The following IGLON5 variants were observed in gnomAD, a reference collection of about 807,000 sequenced individuals.
IGLON5 encodes IgLON family member 5.
In IGLON5, 16 loss-of-function variants were observed where a neutral mutation model predicts 38.2. That is an observed-to-expected ratio of 0.42 (90% CI 0.28 to 0.64). The LOEUF is 0.64. Ranked by LOEUF, IGLON5 falls within the 30% of genes least tolerant of loss-of-function variation. The pLI, the probability that IGLON5 is intolerant of heterozygous loss-of-function variation, is 0.23. For synonymous variants in IGLON5, 207 were observed against 216.4 expected (o/e 0.96, Z 0.38); for missense variants, 366 against 483.4 (o/e 0.76, Z 2.28).
intron 1 of IGLON5, among the ~76,000 whole-genome samples, chr19:51,313,647 T>TTTCTTTCTTTCTTTCTTTCTTTC (rs1984831615): frequency 8.6e-6 from 1 of 116,160 alleles, no homozygotes; most frequent in East Asian, 2.5e-4. Context: ...CTCTCTCTCT[T>TTTCTTTCTTTCTTTCTTTCTTTC]TTTCTTTCTT....
In IGLON5 at chr19:51,327,095, C is replaced by T. The variant is rs767546739; in HGVS notation, c.662C>T (p.Thr221Met). Residue 221 changes from threonine to methionine, a missense_variant, in exon 6 of 8, where the codon ACG (threonine) becomes ATG (methionine). Transcript: ENST00000270642. This position sits in a 1 kb window ranked among gnomAD's most constrained non-coding sequence, Gnocchi z 7.1. ...LVTVNYPPTI[T>M]DVTSARTALG... is the part of the protein sequence containing the mutation. ...CCCTCGCCAGATCCTCCGACCATCA[C>T]GGACGTGACCAGCGCCCGCACCGCG... The T allele has an allele frequency of 1.4e-5, 22 of 1,609,284 alleles. No individual in the cohort carries two copies. Among genetic ancestry groups the T allele is most frequent in the Middle Eastern group, 1.6e-4 (1 of 6,074 alleles).
Position 51,329,959 on chromosome 19 carries a change from G to A in IGLON5, c.*1200G>A, listed in dbSNP as rs1985314094. 1 of 152,232 alleles carries A rather than the reference G, an allele frequency of 6.6e-6. No homozygotes were observed. The highest frequency in any genetic ancestry group is 6.5e-5 in the Admixed American group (1 of 15,284). The allele number at this position is 152,232 out of a possible 1,614,324, so 9.4% of individuals were successfully genotyped here. ...GCATCTGGTGTCAGGAAGGGACGCT[G>A]AGAGGCCGCAGCCTCAGCTCTGACT... On this transcript the variant is annotated 3_prime_UTR_variant, in exon 8 of 8. Transcript: ENST00000270642. This position sits in a 1 kb window ranked among gnomAD's most constrained non-coding sequence, Gnocchi z 4.3.
At position 51,325,507 on chromosome 19, in the gene IGLON5, C is replaced by G; in HGVS notation, c.511+42C>G. 1 of 1,565,942 alleles carries G rather than the reference C, an allele frequency of 6.4e-7. No individual in the cohort carries two copies. Among genetic ancestry groups the G allele is most frequent in the East Asian group, 2.3e-5 (1 of 43,232 alleles). ...AGGTCAAAAGCCCCGTCCCCCACTG[C>G]GCAGTCTGGGCCCCTCCATTCCCCA... On this transcript the variant is annotated intron_variant, in intron 4 of 7. Coordinates refer to ENST00000270642, the MANE Select transcript of IGLON5 (RefSeq NM_001101372.3). The surrounding 1 kb of genome is among the most constrained non-coding windows in gnomAD (Gnocchi z 5.5).
rs1178321768 is a variant in IGLON5 at position 51,329,622 on chromosome 19, G to C, written c.*863G>C. 1.3e-5 allele frequency: 2 copies of C among 152,162 alleles called. No homozygotes were observed. Among genetic ancestry groups the C allele is most frequent in the Non-Finnish European group, 2.9e-5 (2 of 68,106 alleles). 9.4% of individuals were successfully genotyped at this position (152,162 alleles called of 1,614,324 possible). On this transcript the variant is annotated 3_prime_UTR_variant, in exon 8 of 8. Coordinates refer to ENST00000270642, the MANE Select transcript of IGLON5 (RefSeq NM_001101372.3). This position sits in a 1 kb window ranked among gnomAD's most constrained non-coding sequence, Gnocchi z 4.3. ...AGTCACCTGTCTGTTTCAGTGCTTT[G>C]CCCTACCCTTGCCACCACTCCCCTT... is the stretch of plus-strand genomic sequence containing the variant.
chr19:51,326,084 C>T (rs1985210418), intron 4 of IGLON5, among the ~76,000 whole-genome samples: 1 of 152,150 alleles, frequency 6.6e-6, no homozygotes, highest in Non-Finnish European at 1.5e-5. Context: ...CCCACCAGCC[C>T]TTTTATGTGG....
chr19:51,314,643 G>A (rs765190126), intron 1 of IGLON5, among the ~76,000 whole-genome samples: 1 of 152,146 alleles, frequency 6.6e-6, no homozygotes, highest in Non-Finnish European at 1.5e-5. Flanking sequence ...GGATGGGGTG[G>A]GGTTGAGACA....
At chr19:51,322,496 CAG>C (rs1426886966) in intron 2 of IGLON5, among the ~76,000 whole-genome samples, 10 of 146,376 alleles carry the variant, frequency 6.8e-5, no homozygotes, top group Non-Finnish European at 1.3e-4. Flanking sequence ...AGAGATCCAG[CAG>C]AGAGGGACAG....
In IGLON5 at chr19:51,324,323, A is replaced by G. The variant is rs1335402659; in HGVS notation, c.391+429A>G. Among the ~76,000 whole-genome samples the G allele has an allele frequency of 6.6e-6, 1 of 152,214 alleles. No individual in the cohort carries two copies. Among genetic ancestry groups the G allele is most frequent in the Admixed American group, 6.5e-5 (1 of 15,290 alleles). On this transcript the variant is annotated intron_variant, in intron 3 of 7. Coordinates refer to ENST00000270642, the MANE Select transcript of IGLON5 (RefSeq NM_001101372.3). The surrounding 1 kb of genome is among the most constrained non-coding windows in gnomAD (Gnocchi z 4.2). Reference sequence around the variant, plus strand: ...GCACAGGGCTAAGACCGGAAAAGAAACAGTGTGTGCAGGGCCAGGCAAGAA... The same window carrying G: ...GCACAGGGCTAAGACCGGAAAAGAAGCAGTGTGTGCAGGGCCAGGCAAGAA...
Position 51,312,227 on chromosome 19 carries a change from G to A in IGLON5, c.79+301G>A, listed in dbSNP as rs116673144. Among the ~76,000 whole-genome samples the A allele has an allele frequency of 9.7e-3, 1,475 of 152,140 alleles. 25 individuals carry two copies. The highest frequency in any genetic ancestry group is 0.033 in the African/African-American group (1,373 of 41,534). On this transcript the variant is annotated intron_variant, in intron 1 of 7. Transcript: ENST00000270642. Reference sequence around the variant, plus strand: ...TCGCAGACACCTAGCCCTGCCTGGGGGCAGGAGTCTGCGGCTCCTGTTGAG... The same window carrying A: ...TCGCAGACACCTAGCCCTGCCTGGGAGCAGGAGTCTGCGGCTCCTGTTGAG...
At chr19:51,313,422 T>G (rs1303547449) in intron 1 of IGLON5, among the ~76,000 whole-genome samples, 1 of 152,234 alleles carries the variant, frequency 6.6e-6, no homozygotes, top group Non-Finnish European at 1.5e-5. Flanking sequence ...CAGTTCCACA[T>G]CTGTCTGTCT....
At chr19:51,326,671 C>A in intron 4 of IGLON5, 93 bp from the exon 5 acceptor site, 1 of 935,650 alleles carries the variant, frequency 1.1e-6, no homozygotes, top group Non-Finnish European at 1.6e-6. Flanking sequence ...TTGCCGTGCC[C>A]GCCCCGCTGA....
At position 51,325,257 on chromosome 19, in the gene IGLON5, TG is replaced by T; in HGVS notation, c.392-84del. The T allele has an allele frequency of 6.5e-7, 1 of 1,538,678 alleles. No homozygotes were observed. The highest frequency in any genetic ancestry group is 8.8e-7 in the Non-Finnish European group (1 of 1,140,358). The stretch of plus-strand genomic sequence containing the variant: ...CTGGGTCTGAGGGAGGAGGAGGGGC[TG>T]GGGGTCTGGACTCCTGGGTCTGAAG... On this transcript the variant is annotated intron_variant, in intron 3 of 7. Transcript: ENST00000270642. The surrounding 1 kb of genome is among the most constrained non-coding windows in gnomAD (Gnocchi z 5.5).
At chr19:51,321,472 C>T (rs917793713) in intron 1 of IGLON5, among the ~76,000 whole-genome samples, 2 of 152,158 alleles carry the variant, frequency 1.3e-5, no homozygotes, top group Non-Finnish European at 2.9e-5. Context: ...AGCCACCGCA[C>T]CTGGCCGTAT....
At chr19:51,321,717 G>A (rs191652420) in intron 1 of IGLON5, among the ~76,000 whole-genome samples, 173 of 152,322 alleles carry the variant, frequency 1.1e-3, no homozygotes, top group Non-Finnish European at 1.9e-3. Context: ...TGCTACGATT[G>A]TCTCTGCATC....
Position 51,325,805 on chromosome 19 carries a change from A to G in IGLON5, c.511+340A>G, listed in dbSNP as rs1035070975. 6.6e-6 allele frequency among the ~76,000 whole-genome samples: 1 copy of G among 151,644 alleles called. No individual in the cohort carries two copies. The highest frequency in any genetic ancestry group is 1.5e-5 in the Non-Finnish European group (1 of 67,966). ...GAGATCCCCTGCCACTAGGTGCCCT[A>G]AGCCAGGCTGCACCAGCGGTCCTGC... On this transcript the variant is annotated intron_variant, in intron 4 of 7. Coordinates refer to ENST00000270642, the MANE Select transcript of IGLON5 (RefSeq NM_001101372.3). The surrounding 1 kb of genome is among the most constrained non-coding windows in gnomAD (Gnocchi z 5.5).
At position 51,327,252 on chromosome 19, in the gene IGLON5, C is replaced by A; in HGVS notation, c.767+52C>A. Reference sequence around the variant, plus strand: ...GGAGCGGGAAGGGGAGGTCTTTAGTCCCTTCGATTGTGAGGCAGGGGGACG... The same window carrying A: ...GGAGCGGGAAGGGGAGGTCTTTAGTACCTTCGATTGTGAGGCAGGGGGACG... On this transcript the variant is annotated intron_variant, in intron 6 of 7. Coordinates refer to ENST00000270642, the MANE Select transcript of IGLON5 (RefSeq NM_001101372.3). This position sits in a 1 kb window ranked among gnomAD's most constrained non-coding sequence, Gnocchi z 7.1. 1 of 1,576,246 alleles carries A rather than the reference C, an allele frequency of 6.3e-7. No individual in the cohort carries two copies. The highest frequency in any genetic ancestry group is 8.6e-7 in the Non-Finnish European group (1 of 1,159,338).
Position 51,324,765 on chromosome 19 carries a change from C to G in IGLON5, c.392-581C>G, listed in dbSNP as rs1339570613. ...ATACCCTGGCATCCTATCTCGAGGGCCATCCTGCTTGGAGAAATGTTCAAA... is the reference window on the plus strand; with the variant it reads ...ATACCCTGGCATCCTATCTCGAGGGGCATCCTGCTTGGAGAAATGTTCAAA... On this transcript the variant is annotated intron_variant, in intron 3 of 7. Transcript: ENST00000270642. The surrounding 1 kb of genome is among the most constrained non-coding windows in gnomAD (Gnocchi z 4.2). Among the ~76,000 whole-genome samples, 1 of 151,028 alleles carries G rather than the reference C, an allele frequency of 6.6e-6. No individual in the cohort carries two copies. The highest frequency in any genetic ancestry group is 2.4e-5 in the African/African-American group (1 of 41,068).
rs990666947 is a variant in IGLON5 at position 51,313,588 on chromosome 19, CTTCT to C, written c.79+1667_79+1670del. 1.4e-3 allele frequency among the ~76,000 whole-genome samples: 186 copies of C among 130,774 alleles called. 2 individuals carry two copies. The highest frequency in any genetic ancestry group is 6.3e-3 in the African/African-American group (182 of 29,116). 85.8% of individuals were successfully genotyped at this position (130,774 alleles called of 152,430 possible). On this transcript the variant is annotated intron_variant, in intron 1 of 7. Transcript: ENST00000270642. Reference sequence around the variant, plus strand: ...CCTTTCTCTTTTTTCTTTCTCTTTCCTTCTTTCTCTTTCCTTCTTTCTTTCTTTC... The same window carrying C: ...CCTTTCTCTTTTTTCTTTCTCTTTCCTTCTCTTTCCTTCTTTCTTTCTTTC...
chr19:51,324,644 G>T lies in IGLON5; in HGVS notation c.392-702G>T, dbSNP rs888898184. On this transcript the variant is annotated intron_variant, in intron 3 of 7. Transcript: ENST00000270642. This position sits in a 1 kb window ranked among gnomAD's most constrained non-coding sequence, Gnocchi z 4.2. ...GGGACTCCTTTGCAAAATGGGGATG[G>T]TGCTGTCATATGTCAAATCCCAGAC... 6.6e-6 allele frequency among the ~76,000 whole-genome samples: 1 copy of T among 152,078 alleles called. No individual in the cohort carries two copies. Among genetic ancestry groups the T allele is most frequent in the African/African-American group, 2.4e-5 (1 of 41,410 alleles).
Sources: allele counts gnomAD v4.1 joint callset (sites outside exome capture counted in the v4.1 genomes callset), GRCh38; gene constraint gnomAD v4.1.1; non-coding constraint Gnocchi (gnomAD v3.1); transcripts MANE v1.5; gene names NCBI Gene and HGNC (gene_info 2026-07-23, HGNC 2026-07-21).